The following CNTNAP2 variants were observed in gnomAD, a reference collection of about 807,000 sequenced individuals.
CNTNAP2 encodes contactin-associated protein-like 2.
A neutral mutation model predicts 155.2 loss-of-function variants in CNTNAP2; 98 were observed. The observed-to-expected ratio is 0.63, with a 90% CI of 0.54 to 0.75. The LOEUF is 0.75. Among genes scored for constraint, CNTNAP2 ranks in the 30% least tolerant of loss-of-function variants. The pLI, the probability that CNTNAP2 is intolerant of heterozygous loss-of-function variation, is 0.00. For synonymous variants in CNTNAP2, 651 were observed against 631.2 expected (o/e 1.03, Z -0.47); for missense variants, 1,727 against 1,688.1 (o/e 1.02, Z -0.40).
chr7:146,759,363 G>A (rs1427144180), intron 1 of CNTNAP2, among the ~76,000 whole-genome samples: 12 of 152,018 alleles, frequency 7.9e-5, no homozygotes, highest in Non-Finnish European at 1.6e-4. Flanking sequence ...TAAAGACAGA[G>A]ACATTAGAAA....
At chr7:147,591,439 C>T (rs1800732522) in intron 12 of CNTNAP2, among the ~76,000 whole-genome samples, 1 of 152,076 alleles carries the variant, frequency 6.6e-6, no homozygotes, top group African/African-American at 2.4e-5. Context: ...AGCTTTATGT[C>T]CTCTTTAAAG....
At chr7:147,621,726 CA>C (rs1051870599) in intron 12 of CNTNAP2, among the ~76,000 whole-genome samples, 3 of 151,422 alleles carry the variant, frequency 2.0e-5, no homozygotes, top group Non-Finnish European at 3.0e-5. Context: ...AAAGAGAAGA[CA>C]AAAAAACAAC....
At chr7:146,369,031 A>G (rs1310168418) in intron 1 of CNTNAP2, among the ~76,000 whole-genome samples, 53 of 88,816 alleles carry the variant, frequency 6.0e-4, no homozygotes, top group East Asian at 3.4e-3. Context: ...AGCATTATGT[A>G]TATATATATA....
At chr7:146,350,743 G>A (rs931530667) in intron 1 of CNTNAP2, among the ~76,000 whole-genome samples, 24 of 151,778 alleles carry the variant, frequency 1.6e-4, no homozygotes, top group African/African-American at 3.6e-4. Context: ...TGTTTATTGC[G>A]GCACTATTCA....
intron 11 of CNTNAP2, among the ~76,000 whole-genome samples, chr7:147,495,161 G>A (rs1210520765): frequency 2.6e-5 from 4 of 152,170 alleles, no homozygotes; most frequent in African/African-American, 9.7e-5. Context: ...ATCAAGGCAA[G>A]TGTGTATGAT....
intron 13 of CNTNAP2, among the ~76,000 whole-genome samples, chr7:147,858,308 A>G (rs912238492): frequency 6.6e-6 from 1 of 152,104 alleles, no homozygotes; most frequent in Non-Finnish European, 1.5e-5. Flanking sequence ...GCTGGTCTCC[A>G]ATTCCTGACC....
intron 1 of CNTNAP2, among the ~76,000 whole-genome samples, chr7:146,201,611 A>G (rs1798861529): frequency 6.6e-6 from 1 of 151,258 alleles, no homozygotes; most frequent in Non-Finnish European, 1.5e-5. Context: ...TTCCAAATGA[A>G]ACAGAACTTT....
chr7:147,167,400 G>C, intron 8 of CNTNAP2: 1 of 1,301,290 alleles, frequency 7.7e-7, no homozygotes, highest in Non-Finnish European at 1.1e-6. Flanking sequence ...CTACAACTTT[G>C]AAAAGCCCTT....
intron 1 of CNTNAP2, among the ~76,000 whole-genome samples, chr7:146,258,425 C>G (rs972177790): frequency 1.3e-5 from 2 of 152,036 alleles, no homozygotes; most frequent in African/African-American, 4.8e-5. Flanking sequence ...TCAGAAAATG[C>G]AATCATTTAT....
intron 18 of CNTNAP2, among the ~76,000 whole-genome samples, chr7:148,210,019 C>A (rs1795516701): frequency 6.6e-6 from 1 of 152,176 alleles, no homozygotes; most frequent in Non-Finnish European, 1.5e-5. Flanking sequence ...TAATTTACGA[C>A]CTGCTAAATC....
chr7:147,654,022 T>C (rs1795488294), intron 13 of CNTNAP2, among the ~76,000 whole-genome samples: 1 of 152,196 alleles, frequency 6.6e-6, no homozygotes, highest in African/African-American at 2.4e-5. Flanking sequence ...TTCTGCTCCA[T>C]TAATCACAGT....
intron 12 of CNTNAP2, among the ~76,000 whole-genome samples, chr7:147,565,177 G>C (rs1450546640): frequency 6.6e-6 from 1 of 152,122 alleles, no homozygotes; most frequent in Admixed American, 6.6e-5. Flanking sequence ...ACTCAAAAAG[G>C]TGAAGAAGAG....
intron 15 of CNTNAP2, among the ~76,000 whole-genome samples, chr7:148,036,312 T>A (rs182982779): frequency 1.3e-5 from 2 of 152,274 alleles, no homozygotes; most frequent in African/African-American, 4.8e-5. Flanking sequence ...TTCCCCAAAG[T>A]TCATGTGTTA....
intron 1 of CNTNAP2, among the ~76,000 whole-genome samples, chr7:146,494,210 T>C (rs1032445501): frequency 4.6e-5 from 7 of 151,902 alleles, no homozygotes; most frequent in Non-Finnish European, 7.4e-5. Context: ...GGCGGGCACC[T>C]GTAGTCCCAG....
rs1189401360 is a variant in CNTNAP2, at chr7:147,357,660, C to T, written c.1499-37949C>T. On this transcript the variant is annotated intron_variant, in intron 9 of 23. Transcript: ENST00000361727. ...CACGTGTGACTTACTCTCCTGGACACGAGTCTTGTTTTATAGTCTAGCTTA... is the reference window on the plus strand; with the variant it reads ...CACGTGTGACTTACTCTCCTGGACATGAGTCTTGTTTTATAGTCTAGCTTA... Among the ~76,000 whole-genome samples, 3 of 152,072 alleles carry T rather than the reference C, an allele frequency of 2.0e-5. 1 individual carries two copies. Among genetic ancestry groups the T allele is most frequent in the South Asian group, 4.1e-4 (2 of 4,832 alleles).
chr7:147,681,993 G>A (rs932778361), intron 13 of CNTNAP2, among the ~76,000 whole-genome samples: 7 of 151,882 alleles, frequency 4.6e-5, no homozygotes, highest in Non-Finnish European at 7.4e-5. Flanking sequence ...AAGGAGATAG[G>A]AAATGTTACT....
intron 10 of CNTNAP2, among the ~76,000 whole-genome samples, chr7:147,480,270 A>C (rs1798398029): frequency 6.6e-6 from 1 of 152,226 alleles, no homozygotes; most frequent in Non-Finnish European, 1.5e-5. Flanking sequence ...AAATTGTTTT[A>C]AATAATGGGC....
At chr7:146,315,614 C>A (rs916444371) in intron 1 of CNTNAP2, among the ~76,000 whole-genome samples, 2 of 152,186 alleles carry the variant, frequency 1.3e-5, no homozygotes, top group African/African-American at 4.8e-5. Flanking sequence ...AGAGTCTCCT[C>A]TCTGCCACCT....
At chr7:146,783,808 G>A (rs893071008) in intron 2 of CNTNAP2, among the ~76,000 whole-genome samples, 1 of 152,210 alleles carries the variant, frequency 6.6e-6, no homozygotes, top group South Asian at 2.1e-4. Flanking sequence ...AGACTGGACA[G>A]ATCTTGTGCT....
Sources: gnomAD v4.1 joint callset for allele counts (sites outside exome capture counted in the v4.1 genomes callset) on GRCh38, gnomAD v4.1.1 for gene constraint, MANE v1.5 for transcripts, NCBI Gene and HGNC (gene_info 2026-07-23, HGNC 2026-07-21) for gene names.